Variants in CHRNB2 observed in about 807,000 individuals in gnomAD.
CHRNB2 encodes cholinergic receptor nicotinic beta 2 subunit, also known as neuronal acetylcholine receptor subunit beta-2.
A neutral mutation model predicts 42.7 loss-of-function variants in CHRNB2; 33 were observed. The observed-to-expected ratio is 0.77, with a 90% CI of 0.59 to 1.03. CHRNB2 has a LOEUF of 1.03. CHRNB2 is among the 50% of genes least tolerant of loss of function. The pLI is 0.00. For synonymous variants in CHRNB2, 325 were observed against 292.9 expected (o/e 1.11, Z -1.12); for missense variants, 603 against 700.9 (o/e 0.86, Z 1.58).
intron 3 of CHRNB2, 58 bp downstream of exon 3, chr1:154,569,894 C>T (rs887681463): frequency 1.3e-6 from 2 of 1,595,100 alleles, no homozygotes; most frequent in African/African-American, 1.3e-5. Context: ...CTCCTTTTTC[C>T]CCATGTGCTT....
chr1:154,572,000 C>T lies in CHRNB2; in HGVS notation c.1177C>T (p.Arg393Cys). 3 of 1,535,410 alleles carry T rather than the reference C, an allele frequency of 2.0e-6. No homozygotes were observed. Among genetic ancestry groups the T allele is most frequent in the Non-Finnish European group, 2.6e-6 (3 of 1,145,628 alleles). The part of the protein sequence containing the change: ...GADSCTCFVN[R>C]ASVQGLAGAF... ...CGACTCCTGCACGTGCTTCGTCAACCGCGCGTCGGTGCAGGGGTTGGCCGG... is the reference window on the plus strand; with the variant it reads ...CGACTCCTGCACGTGCTTCGTCAACTGCGCGTCGGTGCAGGGGTTGGCCGG... The change falls in exon 5 of 6, where the codon CGC (arginine) becomes TGC (cysteine). Residue 393 changes from arginine (R) to cysteine (C), a missense_variant. This residue lies in a region of CHRNB2 where 270 missense variants were observed against 248.3 expected (regional missense o/e 1.09). Coordinates refer to ENST00000368476, the MANE Select transcript of CHRNB2 (RefSeq NM_000748.3). The surrounding 1 kb of genome is among the most constrained non-coding windows in gnomAD (Gnocchi z 6.8).
rs200156449 is a variant in CHRNB2, at chr1:154,577,667, A to T, written c.*1735A>T. On this transcript the variant is annotated 3_prime_UTR_variant, in exon 6 of 6. Coordinates refer to ENST00000368476, the MANE Select transcript of CHRNB2 (RefSeq NM_000748.3). ...AATGGGGTCCCCTGACTGTCATGCC[A>T]GCCTCCCTCCCAGGCCCACTCTTCC... 1 of 152,302 alleles carries T rather than the reference A, an allele frequency of 6.6e-6. No homozygotes were observed. Among genetic ancestry groups the T allele is most frequent in the Non-Finnish European group, 1.5e-5 (1 of 68,124 alleles). The allele number at this position is 152,302 out of a possible 1,614,324, so 9.4% of individuals were successfully genotyped here. A position where few individuals can be genotyped will look rare whatever the true frequency, so the allele number is the denominator to read the frequency against.
Position 154,576,006 on chromosome 1 carries a change from G to C in CHRNB2, c.*74G>C. On this transcript the variant is annotated 3_prime_UTR_variant, in exon 6 of 6. Coordinates refer to ENST00000368476, the MANE Select transcript of CHRNB2 (RefSeq NM_000748.3). Reference sequence around the variant, plus strand: ...CAGTAGTGTTGGGTGGAGGATGGACGAGTGAGCTACCAGGAAGAGGGGCGC... The same window carrying C: ...CAGTAGTGTTGGGTGGAGGATGGACCAGTGAGCTACCAGGAAGAGGGGCGC... The C allele has an allele frequency of 6.3e-7, 1 of 1,583,152 alleles. No homozygotes were observed. The highest frequency in any genetic ancestry group is 8.6e-7 in the Non-Finnish European group (1 of 1,156,134).
intron 4 of CHRNB2, 134 bp downstream of exon 4, chr1:154,570,501 C>T: frequency 1.5e-6 from 1 of 671,840 alleles, no homozygotes. Flanking sequence ...ACTACCTAGA[C>T]AGACAGACCC....
intron 4 of CHRNB2, among the ~76,000 whole-genome samples, chr1:154,570,926 C>T (rs1409151508): frequency 1.3e-5 from 2 of 151,916 alleles, no homozygotes; most frequent in Non-Finnish European, 2.9e-5. Context: ...CCTTCCTCCA[C>T]CCACCACCCC....
At position 154,578,643 on chromosome 1, in the gene CHRNB2, G is replaced by A. The variant is rs1174253341; in HGVS notation, c.*2711G>A. On this transcript the variant is annotated 3_prime_UTR_variant, in exon 6 of 6. Transcript: ENST00000368476. Reference sequence around the variant, plus strand: ...CCCAGGCAAGGTGCTACCATGTGGTGGGAGAGTGTGAACCCTCAAGTGCAC... The same window carrying A: ...CCCAGGCAAGGTGCTACCATGTGGTAGGAGAGTGTGAACCCTCAAGTGCAC... 1 of 152,324 alleles carries A rather than the reference G, an allele frequency of 6.6e-6. No homozygotes were observed. The highest frequency in any genetic ancestry group is 1.5e-5 in the Non-Finnish European group (1 of 68,090). 9.4% of individuals were successfully genotyped at this position (152,324 alleles called of 1,614,324 possible).
intron 5 of CHRNB2, among the ~76,000 whole-genome samples, chr1:154,572,529 C>A (rs751155921): frequency 5.3e-5 from 8 of 152,126 alleles, no homozygotes; most frequent in Non-Finnish European, 1.0e-4. Flanking sequence ...TCCCCACCCC[C>A]CGCTGCTTGC....
chr1:154,570,642 C>A (rs1385001143), intron 4 of CHRNB2, among the ~76,000 whole-genome samples: 2 of 152,004 alleles, frequency 1.3e-5, no homozygotes, highest in Admixed American at 6.5e-5. Flanking sequence ...CAGCCCCCAG[C>A]GCCTCAACTG....
chr1:154,576,235 T>C lies in CHRNB2; in HGVS notation c.*303T>C. On this transcript the variant is annotated 3_prime_UTR_variant, in exon 6 of 6. Transcript: ENST00000368476. ...ACAGAGATGGCAGAGCCATCCACCC[T>C]GAGGAGTGATGGGCAAGGGGCCAGG... The C allele has an allele frequency of 2.1e-6, 1 of 469,134 alleles. No individual in the cohort carries two copies. Among genetic ancestry groups the C allele is most frequent in the South Asian group, 2.0e-5 (1 of 49,162 alleles). 29.1% of individuals were successfully genotyped at this position (469,134 alleles called of 1,614,324 possible). A position where few individuals can be genotyped will look rare whatever the true frequency, so the allele number is the denominator to read the frequency against.
In CHRNB2 at chr1:154,576,437, G is replaced by C; in HGVS notation, c.*505G>C. The C allele has an allele frequency of 4.0e-6, 1 of 247,002 alleles. No homozygotes were observed. The highest frequency in any genetic ancestry group is 5.2e-5 in the South Asian group (1 of 19,236). 15.3% of individuals were successfully genotyped at this position (247,002 alleles called of 1,614,324 possible). ...ACACCTGCCGCTGCTTGAGTGGACAGCAGCTGGACTGGGTGGGCCCCACAG... is the reference window on the plus strand; with the variant it reads ...ACACCTGCCGCTGCTTGAGTGGACACCAGCTGGACTGGGTGGGCCCCACAG... On this transcript the variant is annotated 3_prime_UTR_variant, in exon 6 of 6. Coordinates refer to ENST00000368476, the MANE Select transcript of CHRNB2 (RefSeq NM_000748.3).
chr1:154,576,235 TGAG>T lies in CHRNB2; in HGVS notation c.*307_*309del, dbSNP rs1281042156. The T allele has an allele frequency of 2.1e-6, 1 of 469,134 alleles. No individual in the cohort carries two copies. Among genetic ancestry groups the T allele is most frequent in the Non-Finnish European group, 4.0e-6 (1 of 252,780 alleles). The allele number at this position is 469,134 out of a possible 1,614,324, so 29.1% of individuals were successfully genotyped here. On this transcript the variant is annotated 3_prime_UTR_variant, in exon 6 of 6. Coordinates refer to ENST00000368476, the MANE Select transcript of CHRNB2 (RefSeq NM_000748.3). ...ACAGAGATGGCAGAGCCATCCACCC[TGAG>T]GAGTGATGGGCAAGGGGCCAGGAAG...
intron 5 of CHRNB2, among the ~76,000 whole-genome samples, chr1:154,572,481 G>C (rs1054218975): frequency 6.6e-6 from 1 of 152,184 alleles, no homozygotes; most frequent in African/African-American, 2.4e-5. Flanking sequence ...GCCCTTTAGG[G>C]TTGGCAGCCA....
At position 154,576,347 on chromosome 1, in the gene CHRNB2, C is replaced by T; in HGVS notation, c.*415C>T. The T allele has an allele frequency of 3.1e-6, 1 of 324,540 alleles. No homozygotes were observed. Among genetic ancestry groups the T allele is most frequent in the Non-Finnish European group, 6.1e-6 (1 of 165,004 alleles). The allele number at this position is 324,540 out of a possible 1,614,324, so 20.1% of individuals were successfully genotyped here. A position where few individuals can be genotyped will look rare whatever the true frequency, so the allele number is the denominator to read the frequency against. ...TGGAAGGGCAGGAGCTCACACCGCACCGGGCTGGCCTGACACAATGGTAGC... is the reference window on the plus strand; with the variant it reads ...TGGAAGGGCAGGAGCTCACACCGCATCGGGCTGGCCTGACACAATGGTAGC... On this transcript the variant is annotated 3_prime_UTR_variant, in exon 6 of 6. Transcript: ENST00000368476.
chr1:154,576,888 C>T lies in CHRNB2; in HGVS notation c.*956C>T, dbSNP rs1354299732. On this transcript the variant is annotated 3_prime_UTR_variant, in exon 6 of 6. Transcript: ENST00000368476. ...GGTGGGTCTGACTCTTCCTCCCTGCCCTGAGATCCATCTGTCGAGTGCCCT... is the reference window on the plus strand; with the variant it reads ...GGTGGGTCTGACTCTTCCTCCCTGCTCTGAGATCCATCTGTCGAGTGCCCT... 1 of 152,218 alleles carries T rather than the reference C, an allele frequency of 6.6e-6. No homozygotes were observed. Among genetic ancestry groups the T allele is most frequent in the Non-Finnish European group, 1.5e-5 (1 of 68,058 alleles). The allele number at this position is 152,218 out of a possible 1,614,324, so 9.4% of individuals were successfully genotyped here. A position where few individuals can be genotyped will look rare whatever the true frequency, so the allele number is the denominator to read the frequency against.
In CHRNB2 at chr1:154,569,505, C is replaced by T. The variant is rs2149366138; in HGVS notation, c.108C>T (p.Leu36=). Residue 36 remains leucine (L), a synonymous_variant, in exon 2 of 6, where the codon CTC becomes CTT. Transcript: ENST00000368476. ...CAGAGGAGCGGCTGGTGGAGCATCT[C>T]CTGGATCCTTCCCGCTACAACAAGC... The part of the protein sequence containing the change: ...TDTEERLVEH[L]LDPSRYNKLI... 1.9e-6 allele frequency: 3 copies of T among 1,613,934 alleles called. No individual in the cohort carries two copies. Among genetic ancestry groups the T allele is most frequent in the South Asian group, 2.2e-5 (2 of 91,052 alleles).
At chr1:154,569,939 G>A in intron 3 of CHRNB2, 103 bp downstream of exon 3, 1 of 1,391,668 alleles carries the variant, frequency 7.2e-7, no homozygotes, top group South Asian at 1.2e-5. Flanking sequence ...AGGCAGAAAG[G>A]TATAGAGTTT....
In CHRNB2 at chr1:154,575,989, T is replaced by C. The variant is rs1696266124; in HGVS notation, c.*57T>C. Reference sequence around the variant, plus strand: ...TGCCACCCTCTGCTGCACAGTAGTGTTGGGTGGAGGATGGACGAGTGAGCT... The same window carrying C: ...TGCCACCCTCTGCTGCACAGTAGTGCTGGGTGGAGGATGGACGAGTGAGCT... On this transcript the variant is annotated 3_prime_UTR_variant, in exon 6 of 6. Coordinates refer to ENST00000368476, the MANE Select transcript of CHRNB2 (RefSeq NM_000748.3). 1 of 1,605,538 alleles carries C rather than the reference T, an allele frequency of 6.2e-7. No homozygotes were observed. Among genetic ancestry groups the C allele is most frequent in the East Asian group, 2.2e-5 (1 of 44,832 alleles).
Position 154,578,203 on chromosome 1 carries a change from G to A in CHRNB2, c.*2271G>A, listed in dbSNP as rs1293365474. 6.6e-6 allele frequency: 1 copy of A among 152,280 alleles called. No individual in the cohort carries two copies. The highest frequency in any genetic ancestry group is 1.5e-5 in the Non-Finnish European group (1 of 68,076). The allele number at this position is 152,280 out of a possible 1,614,324, so 9.4% of individuals were successfully genotyped here. On this transcript the variant is annotated 3_prime_UTR_variant, in exon 6 of 6. Transcript: ENST00000368476. The stretch of plus-strand genomic sequence containing the variant: ...TCTGAAGGGTAGGATGCCGGCCTGA[G>A]GCCCTCCCTCTTGGCTCTCCCAGGG...
In CHRNB2 at chr1:154,576,185, G is replaced by A; in HGVS notation, c.*253G>A. 1 of 545,860 alleles carries A rather than the reference G, an allele frequency of 1.8e-6. No individual in the cohort carries two copies. Among genetic ancestry groups the A allele is most frequent in the Non-Finnish European group, 3.3e-6 (1 of 300,212 alleles). 33.8% of individuals were successfully genotyped at this position (545,860 alleles called of 1,614,324 possible). On this transcript the variant is annotated 3_prime_UTR_variant, in exon 6 of 6. Transcript: ENST00000368476. ...CCAGCCCAGGCAATAGTGTTGAGGA[G>A]GGGAGCAAGGCTGCTAAGTGGAAGA...
Sources: gnomAD v4.1 joint callset for allele counts (sites outside exome capture counted in the v4.1 genomes callset) on GRCh38, gnomAD v4.1.1 for gene constraint, gnomAD v4.1.1 regional missense constraint, Gnocchi (gnomAD v3.1) non-coding constraint, MANE v1.5 for transcripts, NCBI Gene and HGNC (gene_info 2026-07-23, HGNC 2026-07-21) for gene names.